The following FCHSD1 variants were observed in gnomAD, a reference collection of about 807,000 sequenced individuals.
The protein encoded by FCHSD1 is F-BAR and double SH3 domains protein 1.
Under a neutral mutation model 101.3 loss-of-function variants are expected in FCHSD1, and 109 were observed. The ratio of observed to expected loss-of-function variants is 1.08; its 90% CI spans 0.92 to 1.26. FCHSD1 has a LOEUF of 1.26. FCHSD1 is among the 50% of genes most tolerant of loss of function. The pLI is 0.00. For missense variants in FCHSD1, 820 were observed against 895.8 expected (o/e 0.92, Z 1.08); for synonymous variants, 291 against 356.8 (o/e 0.82, Z 2.08).
rs1243380116 is a variant in FCHSD1 at position 141,639,691 on chromosome 5, G to A, written c.*1807C>T. ...AGGGAAAGGGGGGCTGAGGTAGGGG[G>A]CCCAGTGATCAGGCACCTGATCCCA... On this transcript the variant is annotated 3_prime_UTR_variant, in exon 20 of 20. Coordinates refer to ENST00000435817, the MANE Select transcript of FCHSD1 (RefSeq NM_033449.3). The surrounding 1 kb of genome is among the most constrained non-coding windows in gnomAD (Gnocchi z 4.4). 2 of 1,551,032 alleles carry A rather than the reference G, an allele frequency of 1.3e-6. No homozygotes were observed. Among genetic ancestry groups the A allele is most frequent in the Admixed American group, 1.9e-5 (1 of 52,230 alleles).
chr5:141,639,561 A>C lies in FCHSD1; in HGVS notation c.*1937T>G, dbSNP rs777079548. On this transcript the variant is annotated 3_prime_UTR_variant, in exon 20 of 20. Coordinates refer to ENST00000435817, the MANE Select transcript of FCHSD1 (RefSeq NM_033449.3). This position sits in a 1 kb window ranked among gnomAD's most constrained non-coding sequence, Gnocchi z 4.4. ...CCCTTGCCTCCATTGCAGCCGCAGC[A>C]AGAGGCCTCCACTTGTCCGTCAGGG... The C allele has an allele frequency of 2.5e-6, 4 of 1,614,040 alleles. No individual in the cohort carries two copies. The highest frequency in any genetic ancestry group is 3.4e-6 in the Non-Finnish European group (4 of 1,180,014).
rs548771740 is a variant in FCHSD1, at chr5:141,643,191, C to T, written c.1864-103G>A. On this transcript the variant is annotated intron_variant, in intron 17 of 19. Transcript: ENST00000435817. ...GTTCCTTCCTCATCACTTCTCAATA[C>T]AGGAAGTGGCCAAATGCTTGCATTC... is the stretch of plus-strand genomic sequence containing the variant. The T allele has an allele frequency of 5.0e-5, 44 of 874,486 alleles. No individual in the cohort carries two copies. In the African/African-American group the frequency reaches 8.1e-4, roughly 16 times the overall value. 54.2% of individuals were successfully genotyped at this position (874,486 alleles called of 1,614,324 possible). A position where few individuals can be genotyped will look rare whatever the true frequency, so the allele number is the denominator to read the frequency against.
Position 141,641,117 on chromosome 5 carries a change from C to A in FCHSD1, c.*381G>T. On this transcript the variant is annotated 3_prime_UTR_variant, in exon 20 of 20. Coordinates refer to ENST00000435817, the MANE Select transcript of FCHSD1 (RefSeq NM_033449.3). ...CCTGATTCCCAAGGCCTGTTCCTCT[C>A]CCCAGCCCAACCCCAGTGACCCTGG... 3.2e-6 allele frequency: 1 copy of A among 307,730 alleles called. No homozygotes were observed. Among genetic ancestry groups the A allele is most frequent in the Non-Finnish European group, 6.0e-6 (1 of 167,518 alleles). 19.1% of individuals were successfully genotyped at this position (307,730 alleles called of 1,614,324 possible). A position where few individuals can be genotyped will look rare whatever the true frequency, so the allele number is the denominator to read the frequency against.
Position 141,647,441 on chromosome 5 carries a change from A to T in FCHSD1, c.785T>A (p.Val262Asp), listed in dbSNP as rs1340117537. Residue 262 changes from valine (V) to aspartate (D), a missense_variant, in exon 9 of 20, where the codon GTC (valine) becomes GAC (aspartate). Coordinates refer to ENST00000435817, the MANE Select transcript of FCHSD1 (RefSeq NM_033449.3). ...CCCGCGGTGGGCATGCTCCAGGATG[A>T]CCTCTGCGGCTTCCAGCTCAGTGTG... ...LSHTELEAAE[V>D]ILEHAHRGEQ... 1 of 1,609,428 alleles carries T rather than the reference A, an allele frequency of 6.2e-7. No homozygotes were observed. Among genetic ancestry groups the T allele is most frequent in the African/African-American group, 1.3e-5 (1 of 74,578 alleles).
Position 141,643,010 on chromosome 5 carries a change from G to A in FCHSD1, c.1942C>T (p.Leu648=). The part of the protein sequence containing the change: ...SVLDGPPAPV[L]PGDKALDFPG... ...AGTTCCTTCCACTCACCCCCAGGCA[G>A]GACAGGTGCAGGGGGCCCATCCAAC... Residue 648 remains leucine, a synonymous_variant, in exon 18 of 20, where the codon CTG becomes TTG. Transcript: ENST00000435817. 1 of 1,564,926 alleles carries A rather than the reference G, an allele frequency of 6.4e-7. No homozygotes were observed. The highest frequency in any genetic ancestry group is 8.7e-7 in the Non-Finnish European group (1 of 1,155,544).
In FCHSD1 at chr5:141,645,093, A is replaced by G. The variant is rs1001425408; in HGVS notation, c.1367T>C (p.Phe456Ser). ...CAGGGCTTGGGGGGCAGGCTCCTCA[A>G]AGAGCTCTCCCGTCTCCTCACATTC... Reference protein sequence around the residue: ...FEECEETGELFEEPAPQALAT... With the variant: ...FEECEETGELSEEPAPQALAT... Residue 456 changes from phenylalanine to serine, a missense_variant, in exon 14 of 20, where the codon TTT (phenylalanine) becomes TCT (serine). Transcript: ENST00000435817. 6 of 1,585,656 alleles carry G rather than the reference A, an allele frequency of 3.8e-6. No individual in the cohort carries two copies. The African/African-American group carries it at 8.1e-5, about 21-fold the overall frequency.
Position 141,645,117 on chromosome 5 carries a change from T to A in FCHSD1, c.1343A>T (p.Glu448Val), listed in dbSNP as rs1018709279. Reference protein sequence around the residue: ...AEDAELSDFEECEETGELFEE... With the variant: ...AEDAELSDFEVCEETGELFEE... ...AAAGAGCTCTCCCGTCTCCTCACAT[T>A]CCTCAAAGTCAGAAAGCTCAGCATC... Residue 448 changes from glutamate (E) to valine (V), a missense_variant, in exon 14 of 20, where the codon GAA (glutamate) becomes GTA (valine). Transcript: ENST00000435817. 2.6e-6 allele frequency: 4 copies of A among 1,565,148 alleles called. No individual in the cohort carries two copies. The highest frequency in any genetic ancestry group is 3.5e-6 in the Non-Finnish European group (4 of 1,154,944).
rs753483882 is a variant in FCHSD1, at chr5:141,650,372, C to T, written c.152G>A (p.Arg51Gln). 20 of 1,613,764 alleles carry T rather than the reference C, an allele frequency of 1.2e-5. No individual in the cohort carries two copies. The highest frequency in any genetic ancestry group is 1.6e-4 in the Middle Eastern group (1 of 6,084). ...AAAGTCCCATACCTGCCCATACTCC[C>T]GTTCAATGGCTGCCCTCTGCTTGCT... Reference protein sequence around the residue: ...SYSKQRAAIEREYGQALQKLA... With the variant: ...SYSKQRAAIEQEYGQALQKLA... The change falls in exon 3 of 20, where the codon CGG (arginine) becomes CAG (glutamine). Residue 51 changes from arginine to glutamine, a missense_variant. Coordinates refer to ENST00000435817, the MANE Select transcript of FCHSD1 (RefSeq NM_033449.3).
In FCHSD1 at chr5:141,646,113, C is replaced by A; in HGVS notation, c.1123G>T (p.Val375Leu). Residue 375 changes from valine to leucine, a missense_variant, in exon 12 of 20, where the codon GTG (valine) becomes TTG (leucine). Coordinates refer to ENST00000435817, the MANE Select transcript of FCHSD1 (RefSeq NM_033449.3). The stretch of plus-strand genomic sequence containing the variant: ...TGTGCCCGGCGGATGCTCTCTCGCA[C>A]TTCCTGTAACCTCTGTTCTATGCTT... ...APSIEQRLQEVRESIRRAQVS... is the reference protein window; with the variant it reads ...APSIEQRLQELRESIRRAQVS... 6.2e-7 allele frequency: 1 copy of A among 1,612,424 alleles called. No homozygotes were observed. Among genetic ancestry groups the A allele is most frequent in the Middle Eastern group, 1.7e-4 (1 of 5,820 alleles).
chr5:141,643,154 A>G, intron 17 of FCHSD1, 66 bp from the exon 18 acceptor site: 3 of 1,258,726 alleles, frequency 2.4e-6, no homozygotes, highest in Non-Finnish European at 3.2e-6. Context: ...TTTTCCTCTC[A>G]TCCCATCTCC....
chr5:141,650,275 C>T, intron 3 of FCHSD1, 84 bp downstream of exon 3: 2 of 1,573,142 alleles, frequency 1.3e-6, no homozygotes, highest in Non-Finnish European at 1.7e-6. Context: ...CTCTTGACCA[C>T]AATAGGGATA....
intron 8 of FCHSD1, 75 bp downstream of exon 8, chr5:141,647,893 T>C (rs1210951326): frequency 6.4e-7 from 1 of 1,557,030 alleles, no homozygotes; most frequent in Non-Finnish European, 8.7e-7. Context: ...CCCACTGTCA[T>C]GGGGATCAAG....
rs776616798 is a variant in FCHSD1 at position 141,646,078 on chromosome 5, G to A, written c.1149+9C>T. On this transcript the variant is annotated intron_variant, in intron 12 of 19. Transcript: ENST00000435817. ...AGGTGGGATCTCTAACCTCAGGGGTGTGCCTCACCTGTGCCCGGCGGATGC... is the reference window on the plus strand; with the variant it reads ...AGGTGGGATCTCTAACCTCAGGGGTATGCCTCACCTGTGCCCGGCGGATGC... The A allele has an allele frequency of 1.8e-5, 29 of 1,605,236 alleles. No individual in the cohort carries two copies. The highest frequency in any genetic ancestry group is 4.5e-5 in the East Asian group (2 of 44,668).
Position 141,649,411 on chromosome 5 carries a change from T to G in FCHSD1, c.359A>C (p.Glu120Ala). The part of the protein sequence containing the change: ...LAGGTGRSAK[E>A]QVLRKGTENL... ...GAGCCATACCTTCCTAAGCACCTGC[T>G]CCTTGGCGCTCCGCCCTGTACCCCC... Residue 120 changes from glutamate to alanine, a missense_variant, in exon 5 of 20, where the codon GAG (glutamate) becomes GCG (alanine). Transcript: ENST00000435817. The surrounding 1 kb of genome is among the most constrained non-coding windows in gnomAD (Gnocchi z 4.1). 1 of 1,613,984 alleles carries G rather than the reference T, an allele frequency of 6.2e-7. No homozygotes were observed. Among genetic ancestry groups the G allele is most frequent in the African/African-American group, 1.3e-5 (1 of 75,036 alleles).
chr5:141,649,660 G>T lies in FCHSD1; in HGVS notation c.234-124C>A. On this transcript the variant is annotated intron_variant, in intron 4 of 19. Coordinates refer to ENST00000435817, the MANE Select transcript of FCHSD1 (RefSeq NM_033449.3). The surrounding 1 kb of genome is among the most constrained non-coding windows in gnomAD (Gnocchi z 4.1). The stretch of plus-strand genomic sequence containing the variant: ...TGCTTTCCCATCCTCCCTTGTCTGG[G>T]AGCCCATCAATCGATCAGCCCATTA... The T allele has an allele frequency of 7.3e-7, 1 of 1,368,088 alleles. No homozygotes were observed. The allele number at this position is 1,368,088 out of a possible 1,614,324, so 84.7% of individuals were successfully genotyped here.
intron 7 of FCHSD1, among the ~76,000 whole-genome samples, chr5:141,648,366 A>C (rs1596466307): frequency 6.6e-6 from 1 of 152,114 alleles, no homozygotes; most frequent in Non-Finnish European, 1.5e-5. Flanking sequence ...CCTCTTTTCA[A>C]GCGCTTGTTC....
At position 141,649,175 on chromosome 5, in the gene FCHSD1, G is replaced by A; in HGVS notation, c.509C>T (p.Ala170Val). Residue 170 changes from alanine to valine, a missense_variant, in exon 6 of 20, where the codon GCC becomes GTC. Physicochemically the swap from Ala to Val is moderately conservative, Grantham distance 64. Transcript: ENST00000435817. This position sits in a 1 kb window ranked among gnomAD's most constrained non-coding sequence, Gnocchi z 4.1. ...LAQEKAADVQ[A>V]RLNRSDHGIF... ...TCCTCACTCTCCATGACCCCACCTG[G>A]CCTGGACATCAGCCGCCTTCTCCTG... is the stretch of plus-strand genomic sequence containing the variant. The A allele has an allele frequency of 6.2e-7, 1 of 1,613,890 alleles. No individual in the cohort carries two copies. Among genetic ancestry groups the A allele is most frequent in the Non-Finnish European group, 8.5e-7 (1 of 1,179,878 alleles).
intron 3 of FCHSD1, among the ~76,000 whole-genome samples, 164 bp from the exon 4 acceptor site, chr5:141,650,118 C>G (rs765967736): frequency 6.6e-6 from 1 of 152,164 alleles, no homozygotes; most frequent in Non-Finnish European, 1.5e-5. Flanking sequence ...TTACAACAAC[C>G]CTACATGAAG....
At chr5:141,648,619 GTATT>G (rs2099907967) in intron 7 of FCHSD1, among the ~76,000 whole-genome samples, 1 of 152,106 alleles carries the variant, frequency 6.6e-6, no homozygotes, top group Non-Finnish European at 1.5e-5. Flanking sequence ...CTTAATCTAA[GTATT>G]TATTTGCTGT....
Sources: gnomAD v4.1 joint callset for allele counts (sites outside exome capture counted in the v4.1 genomes callset) on GRCh38, gnomAD v4.1.1 for gene constraint, Gnocchi (gnomAD v3.1) non-coding constraint, MANE v1.5 for transcripts, NCBI Gene and HGNC (gene_info 2026-07-23, HGNC 2026-07-21) for gene names.